FGF12: variants seen among roughly 807,000 people sequenced by gnomAD.
The protein encoded by FGF12 is fibroblast growth factor 12.
A neutral mutation model predicts 23.6 loss-of-function variants in FGF12; 14 were observed. The observed-to-expected ratio is 0.59, with a 90% CI of 0.39 to 0.93. The LOEUF (loss-of-function observed/expected upper bound fraction) is 0.93, where lower values mean the gene tolerates loss of function less well. FGF12 is among the 40% of genes least tolerant of loss of function. FGF12 has a pLI of 0.00. For synonymous variants in FGF12, 62 were observed against 77.3 expected (o/e 0.80, Z 1.04); for missense variants, 175 against 217.8 (o/e 0.80, Z 1.24).
rs1242280748 is a variant in FGF12 at position 192,278,504 on chromosome 3, CT to C, written c.228+56856del. Among the ~76,000 whole-genome samples, 13 of 152,318 alleles carry C rather than the reference CT, an allele frequency of 8.5e-5. No individual in the cohort carries two copies. In the East Asian group the frequency reaches 2.5e-3, roughly 29 times the overall value. ...GCAAGGAGCTCATCCTATATTTTGACTGAACGGCATTCCCAAAGCTGGTCAA... is the reference window on the plus strand; with the variant it reads ...GCAAGGAGCTCATCCTATATTTTGACGAACGGCATTCCCAAAGCTGGTCAA... On this transcript the variant is annotated intron_variant, in intron 4 of 5. Coordinates refer to ENST00000445105, the MANE Select transcript of FGF12 (RefSeq NM_004113.6).
At chr3:192,712,413 T>C (rs1331255095) in intron 2 of FGF12, among the ~76,000 whole-genome samples, 1 of 151,314 alleles carries the variant, frequency 6.6e-6, no homozygotes, top group Non-Finnish European at 1.5e-5. Context: ...ATACACAGCA[T>C]AATGAGTGAA....
chr3:192,498,501 C>G (rs773044927), intron 2 of FGF12, among the ~76,000 whole-genome samples: 1 of 152,164 alleles, frequency 6.6e-6, no homozygotes, highest in Admixed American at 6.5e-5. Context: ...GGAATTAAAC[C>G]CTGATTGGGT....
intron 2 of FGF12, among the ~76,000 whole-genome samples, chr3:192,638,904 C>T (rs1254077113): frequency 6.6e-6 from 1 of 152,196 alleles, no homozygotes; most frequent in African/African-American, 2.4e-5. Flanking sequence ...ATAGAAACTT[C>T]CGAACCAAGG....
intron 4 of FGF12, among the ~76,000 whole-genome samples, chr3:192,268,901 A>G (rs1365109467): frequency 1.3e-5 from 2 of 151,988 alleles, no homozygotes; most frequent in East Asian, 3.9e-4. Flanking sequence ...TTTTATTTTT[A>G]TTTATTTATT....
chr3:192,684,845 G>A (rs1717673440), intron 2 of FGF12, among the ~76,000 whole-genome samples: 1 of 152,088 alleles, frequency 6.6e-6, no homozygotes, highest in Admixed American at 6.5e-5. Context: ...AAGCAGGCAA[G>A]GAATCTATAA....
At chr3:192,267,818 C>A (rs1713176389) in intron 4 of FGF12, among the ~76,000 whole-genome samples, 1 of 152,236 alleles carries the variant, frequency 6.6e-6, no homozygotes, top group East Asian at 1.9e-4. Context: ...AATATGATTT[C>A]TGTGCTATTC....
chr3:192,279,728 A>C (rs1175032686), intron 4 of FGF12, among the ~76,000 whole-genome samples: 1 of 152,194 alleles, frequency 6.6e-6, no homozygotes, highest in Non-Finnish European at 1.5e-5. Flanking sequence ...AAAAGGAAGG[A>C]GGGCAGCACA....
intron 4 of FGF12, among the ~76,000 whole-genome samples, chr3:192,245,270 T>C (rs959189003): frequency 7.4e-6 from 1 of 134,324 alleles, no homozygotes; most frequent in African/African-American, 2.7e-5. Context: ...AATTTTATTT[T>C]GTTTTATTTA....
chr3:192,283,634 C>A (rs570735114), intron 4 of FGF12, among the ~76,000 whole-genome samples: 1 of 151,972 alleles, frequency 6.6e-6, no homozygotes, highest in Non-Finnish European at 1.5e-5. Flanking sequence ...CCTTTATTTG[C>A]CACAACAGAG....
At chr3:192,192,973 A>C (rs1390287285) in intron 4 of FGF12, among the ~76,000 whole-genome samples, 1 of 152,158 alleles carries the variant, frequency 6.6e-6, no homozygotes, top group Admixed American at 6.5e-5. Context: ...TACTTTTAGC[A>C]CCTATACTGA....
chr3:192,307,971 T>C (rs1231505738), intron 4 of FGF12, among the ~76,000 whole-genome samples: 3 of 152,186 alleles, frequency 2.0e-5, no homozygotes, highest in Admixed American at 1.3e-4. Context: ...ACCAAAAATA[T>C]AGTCTGTTTG....
chr3:192,298,400 A>G (rs555401752), intron 4 of FGF12, among the ~76,000 whole-genome samples: 1 of 152,344 alleles, frequency 6.6e-6, no homozygotes, highest in Non-Finnish European at 1.5e-5. Flanking sequence ...TGAGTGTCTT[A>G]GTCCATTTTG....
intron 2 of FGF12, among the ~76,000 whole-genome samples, chr3:192,693,663 C>T (rs1403169231): frequency 2.0e-5 from 3 of 152,104 alleles, no homozygotes; most frequent in Non-Finnish European, 4.4e-5. Flanking sequence ...AAAGGAGAGT[C>T]TCTTCAATAA....
At chr3:192,423,197 A>G (rs1721584466) in intron 2 of FGF12, among the ~76,000 whole-genome samples, 1 of 152,108 alleles carries the variant, frequency 6.6e-6, no homozygotes, top group African/African-American at 2.4e-5. Flanking sequence ...TTTTTGTTAG[A>G]GAGCCCCCTG....
chr3:192,243,071 T>C (rs1351388846), intron 4 of FGF12, among the ~76,000 whole-genome samples: 1 of 152,062 alleles, frequency 6.6e-6, no homozygotes, highest in East Asian at 1.9e-4. Context: ...TCAGGATCTA[T>C]ATTTAGAGAC....
At chr3:192,708,011 G>A (rs1186338367) in intron 2 of FGF12, among the ~76,000 whole-genome samples, 1 of 152,100 alleles carries the variant, frequency 6.6e-6, no homozygotes, top group Non-Finnish European at 1.5e-5. Flanking sequence ...CCAGGCTGGA[G>A]TGCTGTGGCG....
chr3:192,204,189 C>A (rs185016652), intron 4 of FGF12, among the ~76,000 whole-genome samples: 3 of 152,206 alleles, frequency 2.0e-5, no homozygotes, highest in Admixed American at 6.5e-5. Context: ...TGTCTTTTAG[C>A]CCCACACACG....
intron 2 of FGF12, among the ~76,000 whole-genome samples, chr3:192,565,711 G>A (rs1409192372): frequency 6.6e-6 from 1 of 152,172 alleles, no homozygotes; most frequent in Non-Finnish European, 1.5e-5. Context: ...ATCTAGGTTT[G>A]TGTTAGTATG....
intron 2 of FGF12, among the ~76,000 whole-genome samples, chr3:192,678,142 A>G (rs1163061935): frequency 6.6e-6 from 1 of 152,234 alleles, no homozygotes; most frequent in East Asian, 1.9e-4. Context: ...ACTATGTGAC[A>G]GGCTAAATGT....
Sources: allele counts gnomAD v4.1 joint callset (sites outside exome capture counted in the v4.1 genomes callset), GRCh38; gene constraint gnomAD v4.1.1; transcripts MANE v1.5; gene names NCBI Gene and HGNC (gene_info 2026-07-23, HGNC 2026-07-21).